The following ITGAM variants were observed in gnomAD, a reference collection of about 807,000 sequenced individuals.
ITGAM encodes the protein integrin alpha-M.
A neutral mutation model predicts 137.5 loss-of-function variants in ITGAM; 79 were observed. The ratio of observed to expected loss-of-function variants is 0.57; its 90% CI spans 0.48 to 0.69. ITGAM has a LOEUF of 0.69. ITGAM is among the 30% of genes least tolerant of loss of function. ITGAM has a pLI of 0.00. For synonymous variants in ITGAM, 583 were observed against 592.3 expected (o/e 0.98, Z 0.23); for missense variants, 1,343 against 1,483.5 (o/e 0.91, Z 1.56).
rs2080512100 is a variant in ITGAM at position 31,326,765 on chromosome 16, A to G, written c.2629-91A>G. ...CAATATCCTGTTGCATGGATGGGCC[A>G]TATTTCATGTCTCCATTAATCAGAT... On this transcript the variant is annotated intron_variant, in intron 21 of 29. Transcript: ENST00000544665. 7.9e-6 allele frequency: 7 copies of G among 886,360 alleles called. No individual in the cohort carries two copies. The Admixed American group carries it at 1.1e-4, about 14-fold the overall frequency. The allele number at this position is 886,360 out of a possible 1,614,324, so 54.9% of individuals were successfully genotyped here.
rs563677898 is a variant in ITGAM at position 31,314,918 on chromosome 16, T to G, written c.1708-6323T>G. ...AACCTCTGCCTCCAGGTTCAGGTGA[T>G]TCTCCTGCCTCAGCCTCCTGAGTAG... is the stretch of plus-strand genomic sequence containing the variant. On this transcript the variant is annotated intron_variant, in intron 14 of 29. Transcript: ENST00000544665. Among the ~76,000 whole-genome samples the G allele has an allele frequency of 1.1e-4, 16 of 151,126 alleles. No homozygotes were observed. The South Asian group carries it at 3.1e-3, about 30-fold the overall frequency.
At chr16:31,261,881 T>A in intron 2 of ITGAM, 84 bp downstream of exon 2, 3 of 760,404 alleles carry the variant, frequency 3.9e-6, no homozygotes, top group Non-Finnish European at 4.5e-6. Context: ...ATTTGAGTGA[T>A]CTTTTTCAAC....
intron 14 of ITGAM, among the ~76,000 whole-genome samples, chr16:31,315,488 C>G (rs1449392431): frequency 1.3e-5 from 2 of 151,970 alleles, no homozygotes; most frequent in African/African-American, 4.8e-5. Flanking sequence ...GATGGAGTCT[C>G]TCTCTATTGC....
chr16:31,289,305 C>T (rs71389500), intron 12 of ITGAM, among the ~76,000 whole-genome samples: 26,584 of 152,092 alleles, frequency 0.17, 2,907 homozygotes, highest in African/African-American at 0.3. Context: ...CACATGCACA[C>T]GAATGTTTAT....
Position 31,300,704 on chromosome 16 carries a change from A to G in ITGAM, c.1707+2750A>G, listed in dbSNP as rs571412942. 2.8e-4 allele frequency among the ~76,000 whole-genome samples: 43 copies of G among 152,340 alleles called. 1 individual carries two copies. In the South Asian group the frequency reaches 3.5e-3, roughly 12 times the overall value. ...GGCGGGTGTATCACCTGAGGTCAGGAGTTCAAGACCAGCCTGGCCAACAGG... is the reference window on the plus strand; with the variant it reads ...GGCGGGTGTATCACCTGAGGTCAGGGGTTCAAGACCAGCCTGGCCAACAGG... On this transcript the variant is annotated intron_variant, in intron 14 of 29. Transcript: ENST00000544665.
intron 24 of ITGAM, 47 bp from the exon 25 acceptor site, chr16:31,329,751 G>A (rs1345690818): frequency 6.7e-7 from 1 of 1,492,424 alleles, no homozygotes; most frequent in Non-Finnish European, 9.1e-7. Flanking sequence ...TCTCCAGGCT[G>A]GTGGGGGAGG....
chr16:31,264,954 G>A (rs1327026513), intron 2 of ITGAM, among the ~76,000 whole-genome samples: 1 of 152,106 alleles, frequency 6.6e-6, no homozygotes, highest in Admixed American at 6.6e-5. Flanking sequence ...TGCAACCTCT[G>A]CCTCCTGGGT....
intron 12 of ITGAM, among the ~76,000 whole-genome samples, chr16:31,290,531 A>G (rs1327581636): frequency 6.6e-6 from 1 of 152,186 alleles, no homozygotes; most frequent in Non-Finnish European, 1.5e-5. Context: ...AACATACAAC[A>G]TCGTTTCATG....
At chr16:31,323,104 A>G (rs1157354536) in intron 16 of ITGAM, among the ~76,000 whole-genome samples, 1 of 152,070 alleles carries the variant, frequency 6.6e-6, no homozygotes, top group Non-Finnish European at 1.5e-5. Context: ...AAGATGGAAT[A>G]GGATGGAATA....
At chr16:31,298,385 G>A (rs1030441196) in intron 14 of ITGAM, among the ~76,000 whole-genome samples, 1 of 151,896 alleles carries the variant, frequency 6.6e-6, no homozygotes, top group Non-Finnish European at 1.5e-5. Flanking sequence ...GCACATGCAT[G>A]CGTGCACGTG....
At chr16:31,272,278 C>A (rs913288858) in intron 7 of ITGAM, among the ~76,000 whole-genome samples, 2 of 150,408 alleles carry the variant, frequency 1.3e-5, no homozygotes, top group South Asian at 4.2e-4. Context: ...CGCCATGTCT[C>A]ATTTTGGGAA....
Position 31,266,075 on chromosome 16 carries a change from G to A in ITGAM, c.355G>A (p.Val119Met). 1 of 1,613,958 alleles carries A rather than the reference G, an allele frequency of 6.2e-7. No homozygotes were observed. The highest frequency in any genetic ancestry group is 8.5e-7 in the Non-Finnish European group (1 of 1,179,902). Residue 119 changes from valine (V) to methionine (M), a missense_variant, in exon 5 of 30, where the codon GTG (valine) becomes ATG (methionine). Transcript: ENST00000544665. ...CCAGACTTGCAGTGAGAACACGTAT[G>A]TGAAAGGGCTCTGCTTCCTGTTTGG... ...VHQTCSENTY[V>M]KGLCFLFGSN... is the part of the protein sequence containing the mutation.
Position 31,324,873 on chromosome 16 carries a change from ACTT to A in ITGAM, c.2290-83_2290-81del. 6.4e-7 allele frequency: 1 copy of A among 1,552,766 alleles called. No homozygotes were observed. Among genetic ancestry groups the A allele is most frequent in the Non-Finnish European group, 8.7e-7 (1 of 1,144,076 alleles). On this transcript the variant is annotated intron_variant, in intron 18 of 29. Coordinates refer to ENST00000544665, the MANE Select transcript of ITGAM (RefSeq NM_000632.4). This position sits in a 1 kb window ranked among gnomAD's most constrained non-coding sequence, Gnocchi z 4.5. ...ATTTTATTTGATTGCATCTAATTTT[ACTT>A]CAACATTTGATTTTATTGTTTAATT... is the stretch of plus-strand genomic sequence containing the variant.
intron 12 of ITGAM, among the ~76,000 whole-genome samples, chr16:31,287,928 C>CT (rs1481367625): frequency 6.6e-6 from 1 of 152,126 alleles, no homozygotes; most frequent in Non-Finnish European, 1.5e-5. Flanking sequence ...GGAAGGCTGG[C>CT]TGGTCAACTC....
intron 14 of ITGAM, among the ~76,000 whole-genome samples, chr16:31,310,801 CT>C (rs1490681280): frequency 2.6e-5 from 4 of 152,272 alleles, no homozygotes; most frequent in South Asian, 2.1e-4. Flanking sequence ...TTTTTCTGCT[CT>C]GTTTTTTCCC....
intron 12 of ITGAM, among the ~76,000 whole-genome samples, chr16:31,285,596 C>A (rs1490216792): frequency 2.6e-5 from 4 of 152,064 alleles, no homozygotes; most frequent in Admixed American, 1.3e-4. Context: ...GGGATCTTGC[C>A]ACTGCACTCC....
chr16:31,285,438 A>G (rs1466592759), intron 12 of ITGAM, among the ~76,000 whole-genome samples: 1 of 152,074 alleles, frequency 6.6e-6, no homozygotes, highest in Admixed American at 6.6e-5. Flanking sequence ...AGCCTGGCCG[A>G]TATGGTGAAA....
intron 5 of ITGAM, among the ~76,000 whole-genome samples, chr16:31,269,779 C>T (rs563781399): frequency 7.2e-4 from 110 of 152,284 alleles, no homozygotes; most frequent in African/African-American, 2.6e-3. Context: ...AGCTGGCTTC[C>T]TTCTGAGGAA....
At chr16:31,267,185 A>G (rs1020114595) in intron 5 of ITGAM, among the ~76,000 whole-genome samples, 4 of 152,162 alleles carry the variant, frequency 2.6e-5, no homozygotes, top group African/African-American at 9.6e-5. Flanking sequence ...ATGCCTGGCC[A>G]GAGTGCGTGG....
Sources: allele counts gnomAD v4.1 joint callset (sites outside exome capture counted in the v4.1 genomes callset), GRCh38; gene constraint gnomAD v4.1.1; non-coding constraint Gnocchi (gnomAD v3.1); transcripts MANE v1.5; gene names NCBI Gene and HGNC (gene_info 2026-07-23, HGNC 2026-07-21).